Variants in MAP3K14 observed in about 807,000 individuals in gnomAD.
The protein encoded by MAP3K14 is mitogen-activated protein kinase kinase kinase 14.
A neutral mutation model predicts 99.2 loss-of-function variants in MAP3K14; 16 were observed. That is an observed-to-expected ratio of 0.16 (90% CI 0.11 to 0.24). The LOEUF is 0.24. Among genes scored for constraint, MAP3K14 ranks in the 10% least tolerant of loss-of-function variants. The pLI is 1.00. For missense variants in MAP3K14, 784 were observed against 1,208.7 expected (o/e 0.65, Z 5.21); for synonymous variants, 462 against 492.4 (o/e 0.94, Z 0.82).
chr17:45,292,484 C>T (rs1373093481), intron 1 of MAP3K14, among the ~76,000 whole-genome samples: 2 of 152,030 alleles, frequency 1.3e-5, no homozygotes, highest in African/African-American at 2.4e-5. Context: ...ATGCTTGAGC[C>T]CAGGAGGTTG....
chr17:45,313,532 C>T (rs1309884938), intron 1 of MAP3K14, among the ~76,000 whole-genome samples: 1 of 152,170 alleles, frequency 6.6e-6, no homozygotes, highest in Non-Finnish European at 1.5e-5. Flanking sequence ...AGACCTCGAC[C>T]TGACCCAGGT....
Position 45,286,283 on chromosome 17 carries a change from G to T in MAP3K14, c.1152+148C>A. The T allele has an allele frequency of 9.4e-7, 1 of 1,065,304 alleles. No homozygotes were observed. The highest frequency in any genetic ancestry group is 1.3e-6 in the Non-Finnish European group (1 of 754,370). The allele number at this position is 1,065,304 out of a possible 1,614,324, so 66.0% of individuals were successfully genotyped here. A position where few individuals can be genotyped will look rare whatever the true frequency, so the allele number is the denominator to read the frequency against. ...AAGGCTGTGAGAAGTGAGATTGGCG[G>T]AATAAGAGATGATACTTTTCATCCA... On this transcript the variant is annotated intron_variant, in intron 5 of 15. Transcript: ENST00000344686. The surrounding 1 kb of genome is among the most constrained non-coding windows in gnomAD (Gnocchi z 4.1).
intron 6 of MAP3K14, among the ~76,000 whole-genome samples, chr17:45,279,716 C>A (rs2044206588): frequency 6.6e-6 from 1 of 152,172 alleles, no homozygotes; most frequent in African/African-American, 2.4e-5. Context: ...AGCCACCGCA[C>A]CCAGCCTCTT....
At position 45,287,301 on chromosome 17, in the gene MAP3K14, G is replaced by C. The variant is rs1360512365; in HGVS notation, c.390C>G (p.Ala130=). ...GACGCTTTCCCTTCCAACACACACGGGCCATTTTGCCCTCTGTAGCATGGG... is the reference window on the plus strand; with the variant it reads ...GACGCTTTCCCTTCCAACACACACGCGCCATTTTGCCCTCTGTAGCATGGG... ...NVAHATEGKM[A]RVCWKGKRRS... is the part of the protein sequence containing the mutation. Residue 130 remains alanine (A), a synonymous_variant, in exon 4 of 16, where the codon GCC becomes GCG. Transcript: ENST00000344686. 2 of 1,614,010 alleles carry C rather than the reference G, an allele frequency of 1.2e-6. No homozygotes were observed. The highest frequency in any genetic ancestry group is 1.3e-5 in the African/African-American group (1 of 75,050).
rs768690744 is a variant in MAP3K14 at position 45,284,857 on chromosome 17, G to A, written c.1245C>T (p.His415=). ...RLGRGSFGEV[H]RMEDKQTGFQ... The stretch of plus-strand genomic sequence containing the variant: ...AGCCAGTCTGCTTGTCCTCCATCCT[G>A]TGCACCTCTCCGAAGGAGCCTCTGC... The change falls in exon 6 of 16, where the codon CAC becomes CAT. Residue 415 remains histidine (H), a synonymous_variant. Coordinates refer to ENST00000344686, the MANE Select transcript of MAP3K14 (RefSeq NM_003954.5). 6.3e-7 allele frequency: 1 copy of A among 1,590,170 alleles called. No individual in the cohort carries two copies.
intron 1 of MAP3K14, among the ~76,000 whole-genome samples, chr17:45,315,015 C>CA (rs71701432): frequency 0.12 from 15,069 of 128,476 alleles, 2,333 homozygotes; most frequent in African/African-American, 0.36. Flanking sequence ...TATCAATCAC[C>CA]AAAAAAAAAA....
chr17:45,277,364 G>C (rs965987604), intron 6 of MAP3K14, among the ~76,000 whole-genome samples: 1 of 152,120 alleles, frequency 6.6e-6, no homozygotes, highest in African/African-American at 2.4e-5. Context: ...TAAGCCTTGA[G>C]TAGCATCGCC....
rs1443165890 is a variant in MAP3K14, at chr17:45,264,487, C to T, written c.*149G>A. ...ATCCTGGGAGGCATTCTGCTTGCCC[C>T]CACCTTGCTGCTGCGAGGCCCTGGT... On this transcript the variant is annotated 3_prime_UTR_variant, in exon 16 of 16. Coordinates refer to ENST00000344686, the MANE Select transcript of MAP3K14 (RefSeq NM_003954.5). 1.1e-5 allele frequency: 11 copies of T among 975,488 alleles called. No individual in the cohort carries two copies. In the East Asian group the frequency reaches 2.7e-4, roughly 24 times the overall value. 60.4% of individuals were successfully genotyped at this position (975,488 alleles called of 1,614,324 possible).
At chr17:45,315,330 A>G (rs1458602802) in intron 1 of MAP3K14, among the ~76,000 whole-genome samples, 2 of 152,160 alleles carry the variant, frequency 1.3e-5, no homozygotes, top group African/African-American at 4.8e-5. Flanking sequence ...AACACTCAGA[A>G]GATGGCCTGA....
chr17:45,295,138 T>A (rs2044337723), intron 1 of MAP3K14, among the ~76,000 whole-genome samples: 1 of 152,218 alleles, frequency 6.6e-6, no homozygotes, highest in South Asian at 2.1e-4. Flanking sequence ...ATATATCATA[T>A]TTCATTCAGT....
chr17:45,293,861 G>A (rs987192003), intron 1 of MAP3K14, among the ~76,000 whole-genome samples: 6 of 151,946 alleles, frequency 3.9e-5, no homozygotes, highest in Non-Finnish European at 7.4e-5. Context: ...ACACACATAC[G>A]GATGCACTTG....
chr17:45,264,395 ATCC>A lies in MAP3K14; in HGVS notation c.*238_*240del. On this transcript the variant is annotated 3_prime_UTR_variant, in exon 16 of 16. Coordinates refer to ENST00000344686, the MANE Select transcript of MAP3K14 (RefSeq NM_003954.5). ...TTTGTTTCCCGAGGTAACTCCTGCCATCCTCCTCTGTCTCTTCACGTGGCGGAG... is the reference window on the plus strand; with the variant it reads ...TTTGTTTCCCGAGGTAACTCCTGCCATCCTCTGTCTCTTCACGTGGCGGAG... 1 of 509,590 alleles carries A rather than the reference ATCC, an allele frequency of 2.0e-6. No homozygotes were observed. Among genetic ancestry groups the A allele is most frequent in the Non-Finnish European group, 3.5e-6 (1 of 285,982 alleles). The allele number at this position is 509,590 out of a possible 1,614,324, so 31.6% of individuals were successfully genotyped here. A position where few individuals can be genotyped will look rare whatever the true frequency, so the allele number is the denominator to read the frequency against.
rs1016134090 is a variant in MAP3K14 at position 45,264,924 on chromosome 17, C to T, written c.2680-124G>A. ...AGGGCACTGCCTGTCTGTCATTCCA[C>T]GGGACTCAGAGAATCCCACCCGGCT... On this transcript the variant is annotated intron_variant, in intron 15 of 15. Coordinates refer to ENST00000344686, the MANE Select transcript of MAP3K14 (RefSeq NM_003954.5). 47 of 1,075,726 alleles carry T rather than the reference C, an allele frequency of 4.4e-5. No homozygotes were observed. In the African/African-American group the frequency reaches 5.4e-4, roughly 12 times the overall value. The allele number at this position is 1,075,726 out of a possible 1,614,324, so 66.6% of individuals were successfully genotyped here.
chr17:45,306,798 G>A (rs909379381), intron 1 of MAP3K14, among the ~76,000 whole-genome samples: 1 of 152,174 alleles, frequency 6.6e-6, no homozygotes, highest in African/African-American at 2.4e-5. Context: ...TGCACAAGGA[G>A]AGCCAACAGC....
chr17:45,275,482 CAA>C (rs147032902), intron 6 of MAP3K14, among the ~76,000 whole-genome samples: 8 of 119,394 alleles, frequency 6.7e-5, no homozygotes, highest in East Asian at 2.6e-4. Context: ...GACTCCATCT[CAA>C]AAAAAAAAAA....
intron 14 of MAP3K14, among the ~76,000 whole-genome samples, chr17:45,266,060 C>T (rs2044079027): frequency 6.6e-6 from 1 of 152,234 alleles, no homozygotes; most frequent in African/African-American, 2.4e-5. Context: ...TGATGATGCC[C>T]TTGTTGTAGC....
intron 2 of MAP3K14, 28 bp downstream of exon 2, chr17:45,290,462 C>T (rs762443782): frequency 1.2e-5 from 20 of 1,612,324 alleles, no homozygotes; most frequent in African/African-American, 1.1e-4. Flanking sequence ...CCACCTGCCC[C>T]GTGCCCACAA....
chr17:45,303,841 C>G (rs1018199016), intron 1 of MAP3K14, among the ~76,000 whole-genome samples: 1 of 151,628 alleles, frequency 6.6e-6, no homozygotes, highest in African/African-American at 2.4e-5. Context: ...CTCGGCCTCC[C>G]AAAGTGCTGG....
chr17:45,265,769 T>C (rs1259389698), intron 14 of MAP3K14, among the ~76,000 whole-genome samples: 1 of 151,918 alleles, frequency 6.6e-6, no homozygotes, highest in Non-Finnish European at 1.5e-5. Context: ...AAAAAAAAAA[T>C]TCAGGCTGGA....
Sources: allele counts gnomAD v4.1 joint callset (sites outside exome capture counted in the v4.1 genomes callset), GRCh38; gene constraint gnomAD v4.1.1; non-coding constraint Gnocchi (gnomAD v3.1); transcripts MANE v1.5; gene names NCBI Gene and HGNC (gene_info 2026-07-23, HGNC 2026-07-21).